GINS4: variants seen among roughly 807,000 people sequenced by gnomAD.
GINS4 encodes GINS complex subunit 4.
A neutral mutation model predicts 31.1 loss-of-function variants in GINS4; 20 were observed. The observed-to-expected ratio is 0.64, with a 90% CI of 0.45 to 0.93. The LOEUF is 0.93. GINS4 is among the 40% of genes least tolerant of loss of function. The pLI is 0.00. For missense variants in GINS4, 245 were observed against 273.9 expected, an observed-to-expected ratio of 0.89 and a Z score of 0.75; for synonymous variants, 85 against 97.9, an observed-to-expected ratio of 0.87 and a Z score of 0.78.
chr8:41,544,575 G>A lies in GINS4; in HGVS notation c.*2488G>A, dbSNP rs1459577900. 6.6e-6 allele frequency: 1 copy of A among 152,106 alleles called. No individual in the cohort carries two copies. Among genetic ancestry groups the A allele is most frequent in the African/African-American group, 2.4e-5 (1 of 41,428 alleles). The allele number at this position is 152,106 out of a possible 1,614,324, so 9.4% of individuals were successfully genotyped here. A position where few individuals can be genotyped will look rare whatever the true frequency, so the allele number is the denominator to read the frequency against. On this transcript the variant is annotated 3_prime_UTR_variant, in exon 8 of 8. Transcript: ENST00000276533. The stretch of plus-strand genomic sequence containing the variant: ...CATGGTTAATTCAGAGTAAAATCAA[G>A]AGTTAGTACTTGATTTATGCTTGTT...
At chr8:41,530,847 A>G (rs1227236351) in intron 2 of GINS4, among the ~76,000 whole-genome samples, 2 of 152,166 alleles carry the variant, frequency 1.3e-5, no homozygotes, top group Non-Finnish European at 2.9e-5. Context: ...TGTTCTTTAC[A>G]CTTATATCTC....
rs574564446 is a variant in GINS4, at chr8:41,540,266, G to T, written c.484+262G>T. 3.3e-4 allele frequency: 169 copies of T among 512,482 alleles called. 1 individual carries two copies. The highest frequency in any genetic ancestry group is 3.0e-3 in the African/African-American group (157 of 51,894). 31.7% of individuals were successfully genotyped at this position (512,482 alleles called of 1,614,324 possible). A position where few individuals can be genotyped will look rare whatever the true frequency, so the allele number is the denominator to read the frequency against. On this transcript the variant is annotated intron_variant, in intron 6 of 7. Transcript: ENST00000276533. ...CTTGTAGACTCGGGCATGGAGCCGC[G>T]TTCGCCTTCAGTAGCCATCTGCTGA...
In GINS4 at chr8:41,537,230, C is replaced by T. The variant is rs1806756687; in HGVS notation, c.234C>T (p.His78=). The change falls in exon 4 of 8, where the codon CAC becomes CAT. Residue 78 remains histidine (H), a synonymous_variant. Coordinates refer to ENST00000276533, the MANE Select transcript of GINS4 (RefSeq NM_032336.3). Reference sequence around the variant, plus strand: ...GGGAGGACCTGAAGGTCAGCATCCACCAAATGGAGATGGAGAGGATCCGCT... The same window carrying T: ...GGGAGGACCTGAAGGTCAGCATCCATCAAATGGAGATGGAGAGGATCCGCT... ...AKREDLKVSI[H]QMEMERIRYV... 1 of 1,614,064 alleles carries T rather than the reference C, an allele frequency of 6.2e-7. No individual in the cohort carries two copies. Among genetic ancestry groups the T allele is most frequent in the African/African-American group, 1.3e-5 (1 of 75,050 alleles).
rs1441945430 is a variant in GINS4 at position 41,539,986 on chromosome 8, G to T, written c.466G>T (p.Val156Leu). The change falls in exon 6 of 8, where the codon GTG (valine) becomes TTG (leucine). Residue 156 changes from valine (V) to leucine (L), a missense_variant. By Grantham distance (32) the Val-to-Leu change is conservative (BLOSUM62 1). Coordinates refer to ENST00000276533, the MANE Select transcript of GINS4 (RefSeq NM_032336.3). ...LKHMPPNLQK[V>L]DLFRAVPKPD... ...GCACATGCCCCCTAACTTACAGAAG[G>T]TGGACCTCTTTCGGGCAGGTAAACA... is the stretch of plus-strand genomic sequence containing the variant. 1.2e-6 allele frequency: 2 copies of T among 1,613,824 alleles called. No individual in the cohort carries two copies. Among genetic ancestry groups the T allele is most frequent in the African/African-American group, 2.7e-5 (2 of 75,038 alleles).
At chr8:41,531,923 C>G (rs1806652799) in intron 2 of GINS4, among the ~76,000 whole-genome samples, 1 of 152,218 alleles carries the variant, frequency 6.6e-6, no homozygotes, top group African/African-American at 2.4e-5. Context: ...TCCTGAGTAG[C>G]TGGGCCTACA....
intron 6 of GINS4, among the ~76,000 whole-genome samples, chr8:41,540,638 G>A (rs1016831891): frequency 1.3e-5 from 2 of 152,206 alleles, no homozygotes; most frequent in Admixed American, 1.3e-4. Context: ...TCAACCCACC[G>A]GGGGCCCTGG....
intron 3 of GINS4, 22 bp downstream of exon 3, chr8:41,536,468 T>C (rs376586655): frequency 1.4e-6 from 2 of 1,449,338 alleles, no homozygotes; most frequent in South Asian, 1.1e-5. Context: ...TTGTCTTGGG[T>C]TGACAAAGGA....
intron 2 of GINS4, among the ~76,000 whole-genome samples, chr8:41,530,666 G>A (rs1235780061): frequency 6.6e-6 from 1 of 152,182 alleles, no homozygotes; most frequent in African/African-American, 2.4e-5. Flanking sequence ...AGAAAATGCT[G>A]AAATGCCTGT....
chr8:41,536,281 C>T (rs1806739453), intron 2 of GINS4, 79 bp from the exon 3 acceptor site: 6 of 855,520 alleles, frequency 7.0e-6, no homozygotes, highest in East Asian at 2.4e-5. Flanking sequence ...CCCTGGTTTT[C>T]GTTGGACTTG....
chr8:41,533,402 G>C (rs997209533), intron 2 of GINS4, among the ~76,000 whole-genome samples: 1 of 152,210 alleles, frequency 6.6e-6, no homozygotes, highest in African/African-American at 2.4e-5. Context: ...CGGGGTCCTT[G>C]AAAGGCAGCT....
intron 2 of GINS4, among the ~76,000 whole-genome samples, 185 bp downstream of exon 2, chr8:41,530,483 T>A (rs1806633292): frequency 6.6e-6 from 1 of 152,202 alleles, no homozygotes; most frequent in Admixed American, 6.5e-5. Context: ...CCTCATCATA[T>A]CAAACACAGC....
At chr8:41,536,212 CT>C in intron 2 of GINS4, 147 bp from the exon 3 acceptor site, 1 of 705,082 alleles carries the variant, frequency 1.4e-6, no homozygotes, top group South Asian at 1.5e-5. Flanking sequence ...CGTAGTTTGT[CT>C]TCAAAACACC....
At chr8:41,538,966 G>A (rs750802469) in intron 4 of GINS4, among the ~76,000 whole-genome samples, 26 of 151,636 alleles carry the variant, frequency 1.7e-4, no homozygotes, top group Non-Finnish European at 2.8e-4. Context: ...CCCAAAGTGC[G>A]GGGATTACAG....
chr8:41,540,891 G>T (rs1249285807), intron 6 of GINS4, among the ~76,000 whole-genome samples: 1 of 152,094 alleles, frequency 6.6e-6, no homozygotes, highest in Non-Finnish European at 1.5e-5. Flanking sequence ...CAGGATCCAG[G>T]CCCCCACAGA....
chr8:41,533,683 T>C (rs1331512004), intron 2 of GINS4, among the ~76,000 whole-genome samples: 2 of 152,240 alleles, frequency 1.3e-5, no homozygotes, highest in Non-Finnish European at 2.9e-5. Flanking sequence ...TTAAAAGTTG[T>C]TACCTGTAGT....
intron 2 of GINS4, among the ~76,000 whole-genome samples, chr8:41,533,428 G>A (rs1371191921): frequency 4.6e-5 from 7 of 152,154 alleles, no homozygotes; most frequent in Non-Finnish European, 2.9e-5. Context: ...ATGGGGCGGC[G>A]GGGGTTCTGA....
chr8:41,534,175 G>T, intron 2 of GINS4: 1 of 307,278 alleles, frequency 3.3e-6, no homozygotes, highest in Non-Finnish European at 6.7e-6. Flanking sequence ...GGCTAATGCA[G>T]GGGGATGTCA....
chr8:41,539,652 A>G (rs758344747), intron 4 of GINS4, 26 bp from the exon 5 acceptor site: 6 of 1,498,314 alleles, frequency 4.0e-6, no homozygotes, highest in African/African-American at 1.4e-5. Context: ...CAATGTTTTC[A>G]TGAAGATTTT....
chr8:41,536,418 A>T lies in GINS4; in HGVS notation c.155A>T (p.Glu52Val). Residue 52 changes from glutamate to valine, a missense_variant, in exon 3 of 8, where the codon GAA becomes GTA. Glu to Val is a moderately radical substitution (Grantham distance 121). Transcript: ENST00000276533. ...CTGGAGAGCAAGCCTGAGATTGTAG[A>T]ATGTGTCATGGAACAGCTGGAGCAC... is the stretch of plus-strand genomic sequence containing the variant. ...ELLESKPEIV[E>V]CVMEQLEHME... The T allele has an allele frequency of 6.2e-7, 1 of 1,610,978 alleles. No homozygotes were observed. The highest frequency in any genetic ancestry group is 8.5e-7 in the Non-Finnish European group (1 of 1,177,186).
Sources: gnomAD v4.1 joint callset for allele counts (sites outside exome capture counted in the v4.1 genomes callset) on GRCh38, gnomAD v4.1.1 for gene constraint, MANE v1.5 for transcripts, NCBI Gene and HGNC (gene_info 2026-07-23, HGNC 2026-07-21) for gene names.